ITGB5: variants seen among roughly 807,000 people sequenced by gnomAD.
ITGB5 encodes integrin beta-5.
A neutral mutation model predicts 84.8 loss-of-function variants in ITGB5; 38 were observed. That is an observed-to-expected ratio of 0.45 (90% CI 0.35 to 0.59). ITGB5 has a LOEUF of 0.59. Ranked by LOEUF, ITGB5 falls within the 20% of genes least tolerant of loss-of-function variation. The probability of loss-of-function intolerance (pLI) is 0.01; values close to 1 mark genes in which losing one functional copy is unlikely to be tolerated. For missense variants in ITGB5, 905 were observed against 1,034.5 expected (o/e 0.87, Z 1.72); for synonymous variants, 393 against 414.4 (o/e 0.95, Z 0.63).
At chr3:124,886,887 T>A in intron 1 of ITGB5, 44 bp downstream of exon 1, 2 of 1,170,926 alleles carry the variant, frequency 1.7e-6, no homozygotes, top group East Asian at 6.8e-5. Flanking sequence ...CGCGGCTGAG[T>A]GTGCGACAAA....
intron 1 of ITGB5, among the ~76,000 whole-genome samples, chr3:124,878,335 C>T (rs1934417920): frequency 6.6e-6 from 1 of 152,118 alleles, no homozygotes. Context: ...GGACACAATA[C>T]CAAAGAAACT....
rs539701724 is a variant in ITGB5, at chr3:124,768,070, C to CA, written c.2017+942dup. Among the ~76,000 whole-genome samples, 6 of 152,150 alleles carry CA rather than the reference C, an allele frequency of 3.9e-5. No homozygotes were observed. The South Asian group carries it at 1.2e-3, about 32-fold the overall frequency. On this transcript the variant is annotated intron_variant, in intron 12 of 14. Coordinates refer to ENST00000296181, the MANE Select transcript of ITGB5 (RefSeq NM_002213.5). ...GGGTGACAGAGACCCTGTCTCGAGA[C>CA]AAAAAACCCTCAGAAGCCGTGACTG...
At chr3:124,851,515 G>T (rs1038562081) in intron 3 of ITGB5, among the ~76,000 whole-genome samples, 1 of 151,946 alleles carries the variant, frequency 6.6e-6, no homozygotes, top group Non-Finnish European at 1.5e-5. Flanking sequence ...AAGAAGGCAT[G>T]ATATATAGGT....
At chr3:124,794,943 C>T (rs1411696255) in intron 10 of ITGB5, among the ~76,000 whole-genome samples, 2 of 152,160 alleles carry the variant, frequency 1.3e-5, no homozygotes, top group African/African-American at 4.8e-5. Flanking sequence ...GAAACGCATG[C>T]TTCACTGAAC....
At chr3:124,887,454 C>A (rs549128377), upstream of ITGB5, 254 of 165,308 alleles carry the variant, frequency 1.5e-3, 1 homozygote, top group African/African-American at 5.5e-3. Context: ...CTCTCCCCTG[C>A]CAGGCCCTCG....
intron 1 of ITGB5, among the ~76,000 whole-genome samples, chr3:124,877,022 G>C (rs1934356637): frequency 6.6e-6 from 1 of 151,632 alleles, no homozygotes; most frequent in African/African-American, 2.4e-5. Flanking sequence ...CCAGGCTAGA[G>C]TGCAGTAGTG....
At chr3:124,770,447 A>G (rs1006531161) in intron 11 of ITGB5, among the ~76,000 whole-genome samples, 1 of 152,180 alleles carries the variant, frequency 6.6e-6, no homozygotes, top group Non-Finnish European at 1.5e-5. Flanking sequence ...CTCTCTGGCA[A>G]AAATACAGAG....
intron 10 of ITGB5, among the ~76,000 whole-genome samples, chr3:124,794,425 C>G (rs1476657806): frequency 6.6e-6 from 1 of 152,090 alleles, no homozygotes; most frequent in African/African-American, 2.4e-5. Flanking sequence ...AAATTAAAAG[C>G]CTCAAACTTT....
intron 8 of ITGB5, among the ~76,000 whole-genome samples, chr3:124,815,280 C>A (rs375409893): frequency 1.2e-4 from 19 of 152,334 alleles, no homozygotes; most frequent in African/African-American, 4.3e-4. Context: ...TGGAGCTGTG[C>A]GCCATGATGC....
At chr3:124,875,124 T>C (rs573610769) in intron 1 of ITGB5, among the ~76,000 whole-genome samples, 1 of 152,164 alleles carries the variant, frequency 6.6e-6, no homozygotes, top group South Asian at 2.1e-4. Flanking sequence ...GTGGTTAACA[T>C]CCAAATACAT....
chr3:124,855,711 G>A (rs945350021), intron 3 of ITGB5, among the ~76,000 whole-genome samples: 11 of 152,166 alleles, frequency 7.2e-5, no homozygotes, highest in African/African-American at 2.4e-4. Context: ...CACCAGCACT[G>A]GGCTCTCCAC....
chr3:124,770,903 C>T (rs2063833164), intron 11 of ITGB5, among the ~76,000 whole-genome samples: 1 of 151,934 alleles, frequency 6.6e-6, no homozygotes, highest in Admixed American at 6.6e-5. Flanking sequence ...GATCCCCCAC[C>T]CTCCCCCTGC....
upstream of ITGB5, among the ~76,000 whole-genome samples, chr3:124,890,877 CT>C (rs547795387): frequency 3.3e-5 from 5 of 151,948 alleles, no homozygotes; most frequent in South Asian, 4.1e-4. Context: ...CTTCTTCTTC[CT>C]TTTTTTTATT....
At chr3:124,772,175 C>T (rs2063855644) in intron 11 of ITGB5, among the ~76,000 whole-genome samples, 1 of 152,168 alleles carries the variant, frequency 6.6e-6, no homozygotes, top group African/African-American at 2.4e-5. Context: ...GGATCCTAAC[C>T]TTCCCCGGGC....
chr3:124,769,417 G>A (rs2063810778), intron 11 of ITGB5: 1 of 296,468 alleles, frequency 3.4e-6, no homozygotes, highest in Non-Finnish European at 6.3e-6. Context: ...TGCCTGGTGA[G>A]GAGTCTGCTC....
At chr3:124,811,075 C>T (rs890687589) in intron 8 of ITGB5, among the ~76,000 whole-genome samples, 5 of 152,200 alleles carry the variant, frequency 3.3e-5, no homozygotes, top group African/African-American at 1.2e-4. Flanking sequence ...GCTTCTACAA[C>T]TCTAAAAATA....
In ITGB5 at chr3:124,763,386, C is replaced by T. The variant is rs905785998; in HGVS notation, c.*237G>A. 5.5e-6 allele frequency: 2 copies of T among 361,244 alleles called. No individual in the cohort carries two copies. Among genetic ancestry groups the T allele is most frequent in the Non-Finnish European group, 1.0e-5 (2 of 197,030 alleles). 22.4% of individuals were successfully genotyped at this position (361,244 alleles called of 1,614,324 possible). On this transcript the variant is annotated 3_prime_UTR_variant, in exon 15 of 15. Transcript: ENST00000296181. ...GGGAAAGCTGAGAGCGCCAAGGTCC[C>T]CTTGCTTTATCCCAAGCTCGGAGGG...
At chr3:124,829,043 A>G (rs1463447275) in intron 5 of ITGB5, among the ~76,000 whole-genome samples, 2 of 152,222 alleles carry the variant, frequency 1.3e-5, no homozygotes, top group African/African-American at 2.4e-5. Flanking sequence ...TGGGATCAAT[A>G]GTAATTAATA....
intron 11 of ITGB5, among the ~76,000 whole-genome samples, chr3:124,772,165 G>C (rs987152580): frequency 6.6e-6 from 1 of 152,158 alleles, no homozygotes; most frequent in African/African-American, 2.4e-5. Context: ...TCCAGATCCA[G>C]GATCCTAACC....
Sources: gnomAD v4.1 joint callset for allele counts (sites outside exome capture counted in the v4.1 genomes callset) on GRCh38, gnomAD v4.1.1 for gene constraint, MANE v1.5 for transcripts, NCBI Gene and HGNC (gene_info 2026-07-23, HGNC 2026-07-21) for gene names.